The following HMCN1 variants were observed in gnomAD, a reference collection of about 807,000 sequenced individuals.
HMCN1 encodes the protein hemicentin 1.
Under a neutral mutation model 625.9 loss-of-function variants are expected in HMCN1, and 321 were observed. The ratio of observed to expected loss-of-function variants is 0.51; its 90% CI spans 0.47 to 0.56. HMCN1 has a LOEUF of 0.56. Ranked by LOEUF, HMCN1 falls within the 20% of genes least tolerant of loss-of-function variation. The pLI is 0.00. For synonymous variants in HMCN1, 2,425 were observed against 2,417.6 expected (o/e 1.00, Z -0.09); for missense variants, 6,588 against 6,887.3 (o/e 0.96, Z 1.54).
In HMCN1 at chr1:186,070,676, C is replaced by G. The variant is rs971528371; in HGVS notation, c.8058C>G (p.Ile2686Met). Residue 2686 changes from isoleucine to methionine, a missense_variant, in exon 52 of 107, where the codon ATC becomes ATG. Ile to Met is a conservative substitution (Grantham distance 10, BLOSUM62 1). Transcript: ENST00000271588. Reference protein sequence around the residue: ...GPGLSPKEVKIKVNNTLTLEC... With the variant: ...GPGLSPKEVKMKVNNTLTLEC... ...GTCTTTCCCCTAAAGAAGTGAAGATCAAAGTAAACAACACTCTGACCTTGG... is the reference window on the plus strand; with the variant it reads ...GTCTTTCCCCTAAAGAAGTGAAGATGAAAGTAAACAACACTCTGACCTTGG... 3 of 1,613,424 alleles carry G rather than the reference C, an allele frequency of 1.9e-6. No homozygotes were observed. Among genetic ancestry groups the G allele is most frequent in the African/African-American group, 1.3e-5 (1 of 74,890 alleles).
chr1:186,105,560 T>C (rs1660569322), intron 69 of HMCN1, among the ~76,000 whole-genome samples: 1 of 152,228 alleles, frequency 6.6e-6, no homozygotes, highest in African/African-American at 2.4e-5. Flanking sequence ...CTATGACTAA[T>C]AGATTTGGAA....
chr1:185,999,964 T>G lies in HMCN1; in HGVS notation c.3875-81T>G, dbSNP rs1032392348. ...ATAAATTATTGTCATAACAAAAACT[T>G]TATTTCTCTTTGATATATTTGATAT... On this transcript the variant is annotated intron_variant, in intron 25 of 106. Transcript: ENST00000271588. 6.1e-6 allele frequency: 6 copies of G among 990,752 alleles called. No homozygotes were observed. In the East Asian group the frequency reaches 1.6e-4, roughly 26 times the overall value. The allele number at this position is 990,752 out of a possible 1,614,324, so 61.4% of individuals were successfully genotyped here.
chr1:186,042,834 G>A (rs1360568114), intron 40 of HMCN1, among the ~76,000 whole-genome samples: 2 of 151,972 alleles, frequency 1.3e-5, no homozygotes, highest in East Asian at 3.9e-4. Context: ...TCTAATTAGA[G>A]CCTAATGAAT....
intron 5 of HMCN1, among the ~76,000 whole-genome samples, chr1:185,910,651 A>G (rs1666361086): frequency 6.6e-6 from 1 of 150,504 alleles, no homozygotes; most frequent in Admixed American, 6.6e-5. Context: ...GCTCATTGCA[A>G]CCTCTCCCTC....
Position 186,108,459 on chromosome 1 carries a change from A to G in HMCN1, c.10853-2A>G. On this transcript the variant is annotated splice_acceptor_variant, in intron 70 of 106. Coordinates refer to ENST00000271588, the MANE Select transcript of HMCN1 (RefSeq NM_031935.3). LOFTEE classifies it high-confidence loss of function. ...TTTTGTTGTATTTGTTCTCACACCCAGTACCTCCTAATATTGCTGGAACTG... is the reference window on the plus strand; with the variant it reads ...TTTTGTTGTATTTGTTCTCACACCCGGTACCTCCTAATATTGCTGGAACTG... The G allele has an allele frequency of 6.2e-7, 1 of 1,614,140 alleles. No individual in the cohort carries two copies. Among genetic ancestry groups the G allele is most frequent in the Non-Finnish European group, 8.5e-7 (1 of 1,180,002 alleles).
At position 186,172,000 on chromosome 1, in the gene HMCN1, A is replaced by G. The variant is rs1652261142; in HGVS notation, c.15689-6A>G. On this transcript the variant is annotated splice_region_variant and splice_polypyrimidine_tract_variant and intron_variant, in intron 101 of 106. Coordinates refer to ENST00000271588, the MANE Select transcript of HMCN1 (RefSeq NM_031935.3). ...TAATCTACATTACCTTTGTTCTTTT[A>G]TCAAGATGTGAACGAGTGTAGACAA... 1.9e-6 allele frequency: 3 copies of G among 1,612,814 alleles called. No individual in the cohort carries two copies. The highest frequency in any genetic ancestry group is 2.5e-6 in the Non-Finnish European group (3 of 1,179,156).
chr1:186,153,017 T>TA, intron 96 of HMCN1, 146 bp downstream of exon 96: 1 of 1,162,364 alleles, frequency 8.6e-7, no homozygotes, highest in Non-Finnish European at 1.3e-6. Flanking sequence ...GATCTTTGTT[T>TA]AAAAATCTTC....
chr1:186,018,284 G>A lies in HMCN1; in HGVS notation c.5402G>A (p.Gly1801Asp), dbSNP rs777863596. Reference protein sequence around the residue: ...VIAQAQVSNTGLYRCMAANTA... With the variant: ...VIAQAQVSNTDLYRCMAANTA... ...GCTCAGGCTCAAGTGTCAAACACAG[G>A]CCTTTATCGGTGCATGGCAGCAAAT... Residue 1801 changes from glycine (G) to aspartate (D), a missense_variant, in exon 34 of 107, where the codon GGC (glycine) becomes GAC (aspartate). By Grantham distance (94) the Gly-to-Asp change is moderately conservative (BLOSUM62 -1). Coordinates refer to ENST00000271588, the MANE Select transcript of HMCN1 (RefSeq NM_031935.3). The A allele has an allele frequency of 6.2e-7, 1 of 1,612,970 alleles. No homozygotes were observed. The highest frequency in any genetic ancestry group is 1.7e-5 in the Admixed American group (1 of 59,914).
chr1:185,737,450 G>A (rs1169124705), intron 1 of HMCN1, among the ~76,000 whole-genome samples: 1 of 152,106 alleles, frequency 6.6e-6, no homozygotes, highest in African/African-American at 2.4e-5. Flanking sequence ...TGGAATGACA[G>A]GAAGGACCTT....
At chr1:186,132,059 T>C (rs1661966375) in intron 85 of HMCN1, among the ~76,000 whole-genome samples, 1 of 152,156 alleles carries the variant, frequency 6.6e-6, no homozygotes, top group African/African-American at 2.4e-5. Context: ...TTTGGTTTCT[T>C]ACCAGTTAGT....
At chr1:185,748,088 AT>A (rs1654547626) in intron 1 of HMCN1, among the ~76,000 whole-genome samples, 1 of 111,520 alleles carries the variant, frequency 9.0e-6, no homozygotes, top group Admixed American at 1.0e-4. Context: ...AAAATACATT[AT>A]TTCACTAAGT....
At chr1:186,132,037 T>C (rs1217080187) in intron 85 of HMCN1, among the ~76,000 whole-genome samples, 1 of 152,130 alleles carries the variant, frequency 6.6e-6, no homozygotes, top group Non-Finnish European at 1.5e-5. Flanking sequence ...CATAAAATAA[T>C]GTAATTTTTG....
intron 11 of HMCN1, among the ~76,000 whole-genome samples, chr1:185,946,933 G>A (rs370968944): frequency 1.3e-5 from 2 of 152,144 alleles, no homozygotes; most frequent in East Asian, 3.8e-4. Flanking sequence ...TTGCCATTAA[G>A]AGTCTGTCAT....
In HMCN1 at chr1:186,088,636, T is replaced by C; in HGVS notation, c.9608T>C (p.Leu3203Ser). 1 of 1,612,122 alleles carries C rather than the reference T, an allele frequency of 6.2e-7. No individual in the cohort carries two copies. Among genetic ancestry groups the C allele is most frequent in the South Asian group, 1.1e-5 (1 of 91,010 alleles). ...ENSDSLEVRI[L>S]SGGSKLQIAR... ...TCTGACTCACTGGAAGTTCGTATTT[T>C]GTCTGGAGGTAGCAAACTCCAGATT... Residue 3203 changes from leucine to serine, a missense_variant, in exon 63 of 107, where the codon TTG becomes TCG. Transcript: ENST00000271588.
chr1:185,991,519 G>C (rs956854588), intron 22 of HMCN1, among the ~76,000 whole-genome samples: 4 of 151,890 alleles, frequency 2.6e-5, no homozygotes, highest in Non-Finnish European at 5.9e-5. Context: ...ATTTTGTTTT[G>C]TGTGTCTGTT....
intron 36 of HMCN1, among the ~76,000 whole-genome samples, chr1:186,028,961 G>A (rs1311467709): frequency 2.6e-5 from 4 of 151,684 alleles, no homozygotes; most frequent in East Asian, 1.9e-4. Context: ...TCCTCACCTC[G>A]TGATCCGTGA....
chr1:185,868,373 T>C (rs1663404589), intron 4 of HMCN1, among the ~76,000 whole-genome samples: 1 of 152,152 alleles, frequency 6.6e-6, no homozygotes, highest in Non-Finnish European at 1.5e-5. Context: ...CAGTTCTCAT[T>C]TTACATTGTA....
At chr1:185,860,229 G>A (rs1351236741) in intron 2 of HMCN1, among the ~76,000 whole-genome samples, 1 of 151,948 alleles carries the variant, frequency 6.6e-6, no homozygotes, top group Non-Finnish European at 1.5e-5. Flanking sequence ...TAAATATACT[G>A]TATTATTTTT....
intron 2 of HMCN1, among the ~76,000 whole-genome samples, chr1:185,863,398 G>A (rs1662992169): frequency 6.6e-6 from 1 of 152,110 alleles, no homozygotes; most frequent in Admixed American, 6.5e-5. Flanking sequence ...TGGCCCTATA[G>A]TTATTGCTAT....
Sources: allele counts gnomAD v4.1 joint callset (sites outside exome capture counted in the v4.1 genomes callset), GRCh38; gene constraint gnomAD v4.1.1; transcripts MANE v1.5; gene names NCBI Gene and HGNC (gene_info 2026-07-23, HGNC 2026-07-21).